Variants in TAFA1 observed in about 807,000 individuals in gnomAD.
The protein encoded by TAFA1 is TAFA chemokine like family member 1, also known as chemokine-like protein TAFA-1.
In TAFA1, 4 loss-of-function variants were observed where a neutral mutation model predicts 18.5. That is an observed-to-expected ratio of 0.22 (90% CI 0.11 to 0.49). TAFA1 has a LOEUF of 0.49. Ranked by LOEUF, TAFA1 falls within the 20% of genes least tolerant of loss-of-function variation. The pLI, the probability that TAFA1 is intolerant of heterozygous loss-of-function variation, is 0.98. For missense variants in TAFA1, 147 were observed against 169.0 expected, an observed-to-expected ratio of 0.87 and a Z score of 0.72; for synonymous variants, 56 against 55.2, an observed-to-expected ratio of 1.01 and a Z score of -0.06.
In TAFA1 at chr3:68,504,543, C is replaced by T. The variant is rs578024269; in HGVS notation, c.260-34213C>T. On this transcript the variant is annotated intron_variant, in intron 3 of 4. Transcript: ENST00000478136. ...ATTAGTTTCACCTGGTCCACACAGG[C>T]ACACAATTGTAAGAGATCTGCAGCT... Among the ~76,000 whole-genome samples, 5 of 152,270 alleles carry T rather than the reference C, an allele frequency of 3.3e-5. No homozygotes were observed. In the South Asian group the frequency reaches 8.3e-4, roughly 25 times the overall value.
At chr3:68,437,621 C>T (rs1273193686) in intron 3 of TAFA1, among the ~76,000 whole-genome samples, 1 of 151,958 alleles carries the variant, frequency 6.6e-6, no homozygotes, top group East Asian at 1.9e-4. Flanking sequence ...GTTTCACTCT[C>T]ATGAAAACCC....
intron 2 of TAFA1, among the ~76,000 whole-genome samples, chr3:68,342,220 C>A (rs766504465): frequency 2.6e-5 from 4 of 152,122 alleles, no homozygotes; most frequent in Non-Finnish European, 5.9e-5. Flanking sequence ...TGTATCAGCC[C>A]CATGTGAGAT....
chr3:68,077,592 C>T (rs1232694505), intron 2 of TAFA1, among the ~76,000 whole-genome samples: 4 of 151,630 alleles, frequency 2.6e-5, no homozygotes, highest in African/African-American at 9.7e-5. Context: ...TTGTTTTTCT[C>T]AGGTTTGTCA....
intron 2 of TAFA1, among the ~76,000 whole-genome samples, chr3:68,112,395 A>G: frequency 6.6e-6 from 1 of 152,342 alleles, no homozygotes; most frequent in South Asian, 2.1e-4. Context: ...AAAGAAGAAA[A>G]TCATTTCAAT....
chr3:68,537,202 A>G (rs1314200083), intron 3 of TAFA1, among the ~76,000 whole-genome samples: 4 of 152,182 alleles, frequency 2.6e-5, no homozygotes, highest in Non-Finnish European at 5.9e-5. Context: ...AATTAAGTGT[A>G]GGGGGCAAAG....
intron 2 of TAFA1, among the ~76,000 whole-genome samples, chr3:68,035,134 A>G (rs1705018556): frequency 6.6e-6 from 1 of 152,162 alleles, no homozygotes; most frequent in African/African-American, 2.4e-5. Context: ...GTCATCTCAG[A>G]TTTATTTTTA....
chr3:68,521,861 T>TTTTTTTTG (rs1174259940), intron 3 of TAFA1, among the ~76,000 whole-genome samples: 4 of 127,294 alleles, frequency 3.1e-5, no homozygotes, highest in African/African-American at 8.8e-5. Flanking sequence ...TTTCTGTTTT[T>TTTTTTTTG]TTTTTTTTTT....
chr3:68,427,873 C>T (rs190954673), intron 3 of TAFA1, among the ~76,000 whole-genome samples: 32 of 151,958 alleles, frequency 2.1e-4, no homozygotes, highest in East Asian at 3.9e-4. Context: ...TTATAAAGGG[C>T]AATTCCCCTG....
At chr3:68,431,265 T>C (rs1397652530) in intron 3 of TAFA1, among the ~76,000 whole-genome samples, 1 of 151,966 alleles carries the variant, frequency 6.6e-6, no homozygotes, top group African/African-American at 2.4e-5. Context: ...CCTGCTCCCT[T>C]TAAAATCTTC....
intron 2 of TAFA1, among the ~76,000 whole-genome samples, chr3:68,381,326 T>G (rs1401774178): frequency 2.6e-5 from 4 of 151,240 alleles, no homozygotes; most frequent in Non-Finnish European, 4.4e-5. Flanking sequence ...GGTAGCTTGA[T>G]GGGGATGGCA....
intron 2 of TAFA1, among the ~76,000 whole-genome samples, chr3:68,274,714 C>T (rs569028075): frequency 1.9e-4 from 29 of 152,256 alleles, no homozygotes; most frequent in South Asian, 4.1e-4. Context: ...GCCCCGCCCC[C>T]GCCCACATGT....
chr3:68,224,730 A>G (rs140832070), intron 2 of TAFA1, among the ~76,000 whole-genome samples: 60 of 152,108 alleles, frequency 3.9e-4, no homozygotes, highest in African/African-American at 1.3e-3. Context: ...AAATTAGGCA[A>G]TTACACCAAA....
chr3:68,178,325 C>T (rs2066152176), intron 2 of TAFA1, among the ~76,000 whole-genome samples: 4 of 152,252 alleles, frequency 2.6e-5, no homozygotes, highest in African/African-American at 2.4e-5. Context: ...CATGCTGATT[C>T]AATGCTGGAA....
At chr3:68,332,003 A>G (rs941811775) in intron 2 of TAFA1, among the ~76,000 whole-genome samples, 1 of 151,344 alleles carries the variant, frequency 6.6e-6, no homozygotes, top group Non-Finnish European at 1.5e-5. Context: ...AGCTGGGACT[A>G]CAGGTGCCCG....
intron 2 of TAFA1, among the ~76,000 whole-genome samples, chr3:68,380,713 G>A (rs1447143635): frequency 6.6e-6 from 1 of 152,038 alleles, no homozygotes; most frequent in South Asian, 2.1e-4. Flanking sequence ...CTCCCATTTT[G>A]TAGGTTGCCT....
At chr3:68,038,159 C>T (rs552341247) in intron 2 of TAFA1, among the ~76,000 whole-genome samples, 28 of 152,128 alleles carry the variant, frequency 1.8e-4, no homozygotes, top group Non-Finnish European at 2.5e-4. Flanking sequence ...AATTCTTTAT[C>T]GTATTTTATC....
At chr3:68,169,700 T>C (rs532925499) in intron 2 of TAFA1, among the ~76,000 whole-genome samples, 20 of 152,368 alleles carry the variant, frequency 1.3e-4, no homozygotes, top group African/African-American at 4.6e-4. Context: ...TGAGTCTGTA[T>C]CTCACTCTGT....
chr3:68,103,851 CA>C (rs2065176531), intron 2 of TAFA1, among the ~76,000 whole-genome samples: 2 of 152,296 alleles, frequency 1.3e-5, no homozygotes, highest in South Asian at 4.1e-4. Flanking sequence ...CCTCATCACA[CA>C]GATGATAAAA....
intron 2 of TAFA1, among the ~76,000 whole-genome samples, chr3:68,044,943 C>T (rs1323797123): frequency 6.6e-6 from 1 of 152,194 alleles, no homozygotes; most frequent in African/African-American, 2.4e-5. Flanking sequence ...TCGGCTATTG[C>T]TGTGTGGAAA....
Sources: allele counts gnomAD v4.1 joint callset (sites outside exome capture counted in the v4.1 genomes callset), GRCh38; gene constraint gnomAD v4.1.1; transcripts MANE v1.5; gene names NCBI Gene and HGNC (gene_info 2026-07-23, HGNC 2026-07-21).